Variants in PEBP4 observed in about 807,000 individuals in gnomAD.
PEBP4 encodes phosphatidylethanolamine binding protein 4.
Under a neutral mutation model 23.9 loss-of-function variants are expected in PEBP4, and 22 were observed. The ratio of observed to expected loss-of-function variants is 0.92; its 90% CI spans 0.66 to 1.31. The LOEUF (loss-of-function observed/expected upper bound fraction) is 1.31. PEBP4 is among the 40% of genes most tolerant of loss of function. PEBP4 has a pLI of 0.00. For missense variants in PEBP4, 324 were observed against 281.7 expected, an observed-to-expected ratio of 1.15 and a Z score of -1.07; for synonymous variants, 112 against 99.3, an observed-to-expected ratio of 1.13 and a Z score of -0.76.
At chr8:22,910,250 AAAG>A (rs1469682577) in intron 3 of PEBP4, among the ~76,000 whole-genome samples, 3 of 152,258 alleles carry the variant, frequency 2.0e-5, no homozygotes, top group Non-Finnish European at 4.4e-5. Flanking sequence ...CTACAAATAA[AAAG>A]GATTGTCATG....
At chr8:22,736,740 T>C (rs551698617) in intron 4 of PEBP4, among the ~76,000 whole-genome samples, 152 of 152,310 alleles carry the variant, frequency 1.0e-3, no homozygotes, top group African/African-American at 3.4e-3. Flanking sequence ...AAAAATAGCT[T>C]TTGATATCAA....
chr8:22,726,030 T>TGTGTGTGTGTGTGC (rs60294653), intron 5 of PEBP4, among the ~76,000 whole-genome samples: 51 of 148,922 alleles, frequency 3.4e-4, no homozygotes, highest in South Asian at 1.1e-3. Flanking sequence ...TGTGTGTGTG[T>TGTGTGTGTGTGTGC]GCACGCGCAT....
intron 4 of PEBP4, among the ~76,000 whole-genome samples, chr8:22,797,659 G>A (rs1005346937): frequency 6.6e-6 from 1 of 152,222 alleles, no homozygotes; most frequent in African/African-American, 2.4e-5. Flanking sequence ...GGTGGAGGAG[G>A]CTGCTGGTAG....
At chr8:22,788,201 G>A (rs1006047658) in intron 4 of PEBP4, among the ~76,000 whole-genome samples, 1 of 152,174 alleles carries the variant, frequency 6.6e-6, no homozygotes, top group African/African-American at 2.4e-5. Flanking sequence ...GTGGGATCCA[G>A]GTAGCTGAAA....
chr8:22,823,473 T>C (rs2128762840), intron 3 of PEBP4, among the ~76,000 whole-genome samples: 1 of 152,000 alleles, frequency 6.6e-6, no homozygotes, highest in African/African-American at 2.4e-5. Flanking sequence ...TATACTAGTA[T>C]GTGAAATAAG....
chr8:22,857,594 T>C (rs117989321), intron 3 of PEBP4, among the ~76,000 whole-genome samples: 1 of 152,176 alleles, frequency 6.6e-6, no homozygotes, highest in Admixed American at 6.5e-5. Context: ...CCAGGACTGA[T>C]GTAACGAGTC....
At chr8:22,812,804 T>C (rs1272467804) in intron 4 of PEBP4, among the ~76,000 whole-genome samples, 2 of 152,244 alleles carry the variant, frequency 1.3e-5, no homozygotes, top group Non-Finnish European at 2.9e-5. Context: ...CAGGCTCTGC[T>C]GCTCCATTGA....
At chr8:22,754,126 C>A (rs1805326513) in intron 4 of PEBP4, among the ~76,000 whole-genome samples, 1 of 152,164 alleles carries the variant, frequency 6.6e-6, no homozygotes, top group African/African-American at 2.4e-5. Flanking sequence ...TCAGGATGGG[C>A]TCTGGGCTTT....
intron 6 of PEBP4, 113 bp from the exon 7 acceptor site, chr8:22,713,649 G>A (rs951337092): frequency 1.2e-4 from 177 of 1,449,148 alleles, no homozygotes; most frequent in Non-Finnish European, 1.5e-4. Flanking sequence ...CAGGTGATGC[G>A]ATGGCCATGG....
chr8:22,807,654 T>A (rs1004394361), intron 4 of PEBP4, among the ~76,000 whole-genome samples: 1 of 152,192 alleles, frequency 6.6e-6, no homozygotes, highest in Non-Finnish European at 1.5e-5. Flanking sequence ...TTAATTACGC[T>A]GTTCCTTTCC....
intron 3 of PEBP4, among the ~76,000 whole-genome samples, chr8:22,856,946 T>C (rs1384405004): frequency 1.3e-5 from 2 of 151,876 alleles, no homozygotes; most frequent in Admixed American, 6.6e-5. Flanking sequence ...TGAAGGAAGA[T>C]AGAGTCTGAA....
chr8:22,795,163 A>ATT (rs33911395), intron 4 of PEBP4, among the ~76,000 whole-genome samples: 700 of 47,316 alleles, frequency 0.015, 158 homozygotes, highest in Admixed American at 0.024. Flanking sequence ...ATATATATAT[A>ATT]TTTTTTTTTT....
In PEBP4 at chr8:22,726,721, C is replaced by T. The variant is rs568035068; in HGVS notation, c.403+454G>A. Among the ~76,000 whole-genome samples the T allele has an allele frequency of 2.2e-4, 34 of 152,348 alleles. No homozygotes were observed. The South Asian group carries it at 4.1e-3, about 19-fold the overall frequency. On this transcript the variant is annotated intron_variant, in intron 5 of 6. Coordinates refer to ENST00000256404, the MANE Select transcript of PEBP4 (RefSeq NM_144962.3). Reference sequence around the variant, plus strand: ...GATTTGAATCCAGGCCTGCTTGGTGCCCAAGCCCACGCTGCTTCACGGAAC... The same window carrying T: ...GATTTGAATCCAGGCCTGCTTGGTGTCCAAGCCCACGCTGCTTCACGGAAC...
chr8:22,722,028 C>T (rs1804529637), intron 6 of PEBP4, among the ~76,000 whole-genome samples: 1 of 152,156 alleles, frequency 6.6e-6, no homozygotes, highest in South Asian at 2.1e-4. Flanking sequence ...GTTCTGCCTG[C>T]CCCTCCAGGT....
At chr8:22,810,681 T>C (rs1178208186) in intron 4 of PEBP4, among the ~76,000 whole-genome samples, 1 of 109,864 alleles carries the variant, frequency 9.1e-6, no homozygotes, top group African/African-American at 2.8e-5. Context: ...TGTGTGTGTG[T>C]GTGTGTGTGT....
At chr8:22,874,199 A>C (rs1176731033) in intron 3 of PEBP4, among the ~76,000 whole-genome samples, 2 of 152,152 alleles carry the variant, frequency 1.3e-5, no homozygotes, top group East Asian at 3.8e-4. Context: ...ATAAGGTTAG[A>C]ATAGTGGAAA....
At chr8:22,847,060 A>C (rs1807452538) in intron 3 of PEBP4, among the ~76,000 whole-genome samples, 1 of 152,174 alleles carries the variant, frequency 6.6e-6, no homozygotes, top group South Asian at 2.1e-4. Flanking sequence ...AAGAGAAATC[A>C]CTTCCATCAC....
At chr8:22,784,075 T>A (rs1003261129) in intron 4 of PEBP4, among the ~76,000 whole-genome samples, 3 of 152,140 alleles carry the variant, frequency 2.0e-5, no homozygotes, top group African/African-American at 7.2e-5. Context: ...AATGTCCACA[T>A]ACGTAGGAGG....
At chr8:22,868,355 G>T (rs187291442) in intron 3 of PEBP4, among the ~76,000 whole-genome samples, 2 of 152,202 alleles carry the variant, frequency 1.3e-5, no homozygotes, top group Non-Finnish European at 2.9e-5. Flanking sequence ...AAGCCTCCAG[G>T]GAGTCTCAGA....
Sources: gnomAD v4.1 joint callset for allele counts (sites outside exome capture counted in the v4.1 genomes callset) on GRCh38, gnomAD v4.1.1 for gene constraint, MANE v1.5 for transcripts, NCBI Gene and HGNC (gene_info 2026-07-23, HGNC 2026-07-21) for gene names.